Variants in FBXO38 observed in about 807,000 individuals in gnomAD.
FBXO38 encodes the protein F-box only protein 38.
A neutral mutation model predicts 131.9 loss-of-function variants in FBXO38; 53 were observed. The ratio of observed to expected loss-of-function variants is 0.40; its 90% CI spans 0.32 to 0.51. The LOEUF is 0.51. Ranked by LOEUF, FBXO38 falls within the 20% of genes least tolerant of loss-of-function variation. The pLI, the probability that FBXO38 is intolerant of heterozygous loss-of-function variation, is 0.53. For synonymous variants in FBXO38, 452 were observed against 505.6 expected (o/e 0.89, Z 1.42); for missense variants, 1,076 against 1,475.6 (o/e 0.73, Z 4.44).
chr5:148,410,560 C>A, intron 8 of FBXO38, 75 bp from the exon 9 acceptor site: 1 of 1,504,200 alleles, frequency 6.6e-7, no homozygotes, highest in Non-Finnish European at 9.2e-7. Flanking sequence ...CGGACTAATA[C>A]ACTTATATTA....
In FBXO38 at chr5:148,399,150, G is replaced by T; in HGVS notation, c.262+18G>T. The T allele has an allele frequency of 6.2e-7, 1 of 1,612,488 alleles. No individual in the cohort carries two copies. The highest frequency in any genetic ancestry group is 1.1e-5 in the South Asian group (1 of 91,038). ...GCCAAGTGGTAAGTGGATTTAGTCT[G>T]TGAAGTACAGTAGTGTCCTACTGGA... On this transcript the variant is annotated intron_variant, in intron 3 of 21. Transcript: ENST00000340253.
At chr5:148,414,431 C>G in intron 10 of FBXO38, 125 bp downstream of exon 10, 2 of 910,072 alleles carry the variant, frequency 2.2e-6, no homozygotes, top group Admixed American at 3.2e-5. Flanking sequence ...TTGGATTGTT[C>G]ATACAAGTTC....
chr5:148,416,945 T>C, intron 11 of FBXO38, 49 bp from the exon 12 acceptor site: 1 of 1,106,732 alleles, frequency 9.0e-7, no homozygotes, highest in Non-Finnish European at 1.4e-6. Flanking sequence ...AATGAAGGGA[T>C]ATATACTAAC....
In FBXO38 at chr5:148,431,659, A is replaced by G. The variant is rs186791933; in HGVS notation, c.2654-1765A>G. On this transcript the variant is annotated intron_variant, in intron 15 of 21. Transcript: ENST00000340253. ...AACCAGGACTTACTAATGAGGTTTTAAAAGGATTGTGAATTTTGGCTATCA... is the reference window on the plus strand; with the variant it reads ...AACCAGGACTTACTAATGAGGTTTTGAAAGGATTGTGAATTTTGGCTATCA... Among the ~76,000 whole-genome samples, 26 of 152,306 alleles carry G rather than the reference A, an allele frequency of 1.7e-4. 1 individual carries two copies. Among genetic ancestry groups the G allele is most frequent in the Admixed American group, 1.5e-3 (23 of 15,298 alleles).
intron 17 of FBXO38, among the ~76,000 whole-genome samples, chr5:148,436,489 T>C (rs1424336744): frequency 6.6e-6 from 1 of 152,184 alleles, no homozygotes; most frequent in Non-Finnish European, 1.5e-5. Context: ...AAGTATATAA[T>C]GCAAATACTC....
rs78177132 is a variant in FBXO38 at position 148,436,278 on chromosome 5, C to A, written c.2858-2054C>A. On this transcript the variant is annotated intron_variant, in intron 17 of 21. Transcript: ENST00000340253. ...TATACATGACATATGCACACACCCACACACACAGTACAGGGTCTGACCTCT... is the reference window on the plus strand; with the variant it reads ...TATACATGACATATGCACACACCCAAACACACAGTACAGGGTCTGACCTCT... 7.9e-4 allele frequency among the ~76,000 whole-genome samples: 120 copies of A among 152,264 alleles called. 4 individuals are homozygous for A. In the East Asian group the frequency reaches 0.021, roughly 27 times the overall value.
At chr5:148,416,659 T>C in intron 11 of FBXO38, 1 of 246,464 alleles carries the variant, frequency 4.1e-6, no homozygotes, top group East Asian at 8.8e-5. Flanking sequence ...ACATTCCCAC[T>C]GTTGAAGCAG....
At chr5:148,426,128 T>G (rs1488488964) in intron 14 of FBXO38, among the ~76,000 whole-genome samples, 4 of 152,178 alleles carry the variant, frequency 2.6e-5, no homozygotes, top group African/African-American at 4.8e-5. Context: ...AAAGCATATT[T>G]TTATAATCCC....
chr5:148,442,251 G>C lies in FBXO38; in HGVS notation c.*104G>C. On this transcript the variant is annotated 3_prime_UTR_variant, in exon 22 of 22. Transcript: ENST00000340253. ...TGAGGCATGCAGTTGGGAGGTCCTG[G>C]CTCGGTTTGCTATATAGGGAATATA... is the stretch of plus-strand genomic sequence containing the variant. 3 of 998,032 alleles carry C rather than the reference G, an allele frequency of 3.0e-6. No homozygotes were observed. The highest frequency in any genetic ancestry group is 4.5e-6 in the Non-Finnish European group (3 of 660,966). 61.8% of individuals were successfully genotyped at this position (998,032 alleles called of 1,614,324 possible).
At chr5:148,438,601 G>A in intron 18 of FBXO38, 103 bp downstream of exon 18, 1 of 1,199,230 alleles carries the variant, frequency 8.3e-7, no homozygotes, top group South Asian at 1.5e-5. Flanking sequence ...TCATTCACTT[G>A]CCCAACCTAC....
Position 148,427,843 on chromosome 5 carries a change from C to T in FBXO38, c.2549C>T (p.Ser850Phe). Residue 850 changes from serine (S) to phenylalanine (F), a missense_variant, in exon 15 of 22, where the codon TCC (serine) becomes TTC (phenylalanine). Physicochemically the swap from Ser to Phe is radical, Grantham distance 155. Around this residue, in one of 8 missense-constraint regions of FBXO38, gnomAD observed 213 missense variants for 225.2 expected, o/e 0.95. Transcript: ENST00000340253. ...ACAGGTGAGGACAGGAGGGGGAGCT[C>T]CCAGCCTGAGAGTTGTGACGTGCAG... Reference protein sequence around the residue: ...GATGEDRRGSSQPESCDVQSN... With the variant: ...GATGEDRRGSFQPESCDVQSN... 1.3e-6 allele frequency: 2 copies of T among 1,598,966 alleles called. No individual in the cohort carries two copies. The highest frequency in any genetic ancestry group is 1.7e-6 in the Non-Finnish European group (2 of 1,173,180).
intron 1 of FBXO38, among the ~76,000 whole-genome samples, chr5:148,386,186 C>T (rs1463222616): frequency 6.6e-6 from 1 of 152,152 alleles, no homozygotes; most frequent in Admixed American, 6.5e-5. Flanking sequence ...AGATGCAGTT[C>T]TATCAGAGCA....
At chr5:148,406,954 G>GA (rs1752478793) in intron 7 of FBXO38, among the ~76,000 whole-genome samples, 2 of 151,838 alleles carry the variant, frequency 1.3e-5, no homozygotes, top group African/African-American at 2.4e-5. Context: ...TCTCATTGCA[G>GA]AAAAAAAATA....
intron 13 of FBXO38, 50 bp downstream of exon 13, chr5:148,424,167 CTG>C (rs1164577187): frequency 2.5e-6 from 4 of 1,573,894 alleles, no homozygotes; most frequent in East Asian, 2.2e-5. Flanking sequence ...TACGGCCTAA[CTG>C]TAATGAAGTA....
At chr5:148,399,380 A>G (rs1752012376) in intron 3 of FBXO38, 1 of 456,644 alleles carries the variant, frequency 2.2e-6, no homozygotes. Flanking sequence ...TGTTCCACAC[A>G]TCTGTGATTG....
chr5:148,385,767 A>G (rs962935154), intron 1 of FBXO38, among the ~76,000 whole-genome samples: 2 of 152,200 alleles, frequency 1.3e-5, no homozygotes, highest in Non-Finnish European at 2.9e-5. Flanking sequence ...GGTCAAATTA[A>G]GTGATATGCA....
intron 8 of FBXO38, chr5:148,410,370 C>T: frequency 2.2e-6 from 1 of 462,536 alleles, no homozygotes; most frequent in Non-Finnish European, 3.8e-6. Context: ...CACAGCCTCT[C>T]TTTTTTTGCC....
chr5:148,386,503 G>C (rs143610931), intron 1 of FBXO38, among the ~76,000 whole-genome samples: 29 of 152,134 alleles, frequency 1.9e-4, no homozygotes, highest in African/African-American at 6.5e-4. Context: ...CACTTTCATC[G>C]TATTCTCAGA....
chr5:148,427,158 AT>A, intron 14 of FBXO38, 54 bp from the exon 15 acceptor site: 3 of 1,528,756 alleles, frequency 2.0e-6, no homozygotes, highest in Non-Finnish European at 2.6e-6. Context: ...TTTGTCCAGA[AT>A]TTATACTGAA....
Sources: allele counts gnomAD v4.1 joint callset (sites outside exome capture counted in the v4.1 genomes callset), GRCh38; gene constraint gnomAD v4.1.1; regional missense constraint gnomAD v4.1.1; transcripts MANE v1.5; gene names NCBI Gene and HGNC (gene_info 2026-07-23, HGNC 2026-07-21).